Variants in PRKCE observed in about 807,000 individuals in gnomAD.
PRKCE encodes protein kinase C epsilon type.
Under a neutral mutation model 85.4 loss-of-function variants are expected in PRKCE, and 16 were observed. The observed-to-expected ratio is 0.19, with a 90% CI of 0.13 to 0.28. The LOEUF (loss-of-function observed/expected upper bound fraction) is 0.28, where lower values mean the gene tolerates loss of function less well. Among genes scored for constraint, PRKCE ranks in the 10% least tolerant of loss-of-function variants. The probability of loss-of-function intolerance (pLI) is 1.00; values close to 1 mark genes in which losing one functional copy is unlikely to be tolerated. For synonymous variants in PRKCE, 388 were observed against 371.5 expected (o/e 1.04, Z -0.51); for missense variants, 573 against 975.2 (o/e 0.59, Z 5.49).
At chr2:46,177,108 C>T (rs1455928507) in intron 14 of PRKCE, among the ~76,000 whole-genome samples, 3 of 152,044 alleles carry the variant, frequency 2.0e-5, no homozygotes, top group East Asian at 1.9e-4. Context: ...TAAAGGATTA[C>T]GTTTGGATTT....
intron 10 of PRKCE, among the ~76,000 whole-genome samples, chr2:46,065,238 T>C (rs1667524438): frequency 6.6e-6 from 1 of 152,018 alleles, no homozygotes; most frequent in Non-Finnish European, 1.5e-5. Context: ...GACCTGTATC[T>C]TGAAAGAATG....
At chr2:46,123,285 A>G (rs114972652) in intron 11 of PRKCE, among the ~76,000 whole-genome samples, 7,633 of 138,734 alleles carry the variant, frequency 0.055, 301 homozygotes, top group Middle Eastern at 0.087. Context: ...TAAAGAGATA[A>G]GCAAAGCACA....
In PRKCE at chr2:46,145,189, G is replaced by T. The variant is rs367994155; in HGVS notation, c.1689G>T (p.Thr563=). 52 of 1,599,542 alleles carry T rather than the reference G, an allele frequency of 3.3e-5. No individual in the cohort carries two copies. The highest frequency in any genetic ancestry group is 4.3e-5 in the Non-Finnish European group (51 of 1,179,956). ...AGGAAGGGATTCTGAATGGTGTGAC[G>T]ACCACCACGTTCTGTGGGACTCCTG... ...MCKEGILNGV[T]TTTFCGTPDY... Residue 563 remains threonine (T), a synonymous_variant, in exon 12 of 15, where the codon ACG becomes ACT. Coordinates refer to ENST00000306156, the MANE Select transcript of PRKCE (RefSeq NM_005400.3). The surrounding 1 kb of genome is among the most constrained non-coding windows in gnomAD (Gnocchi z 4.6).
At chr2:45,934,770 T>C (rs948990569) in intron 2 of PRKCE, among the ~76,000 whole-genome samples, 1 of 151,614 alleles carries the variant, frequency 6.6e-6, no homozygotes, top group Non-Finnish European at 1.5e-5. Flanking sequence ...AAACCACAAT[T>C]GGGCTGGGCA....
intron 1 of PRKCE, among the ~76,000 whole-genome samples, chr2:45,837,971 C>G (rs1415988541): frequency 6.6e-6 from 1 of 152,128 alleles, no homozygotes; most frequent in Non-Finnish European, 1.5e-5. Context: ...GGCTGAGCAC[C>G]ACCCCAAAAA....
intron 1 of PRKCE, among the ~76,000 whole-genome samples, chr2:45,765,011 T>C (rs576482113): frequency 1.1e-4 from 16 of 152,246 alleles, no homozygotes; most frequent in Non-Finnish European, 2.4e-4. Context: ...ATGTGAACCA[T>C]AGCCTTCCTC....
At chr2:45,897,361 T>C (rs1030224092) in intron 2 of PRKCE, among the ~76,000 whole-genome samples, 3 of 152,224 alleles carry the variant, frequency 2.0e-5, no homozygotes, top group African/African-American at 7.2e-5. Flanking sequence ...TGGTAATCAC[T>C]GTGAGAGACG....
At chr2:45,856,657 G>T (rs1170253290) in intron 2 of PRKCE, among the ~76,000 whole-genome samples, 1 of 152,148 alleles carries the variant, frequency 6.6e-6, no homozygotes, top group African/African-American at 2.4e-5. Context: ...TATTCTTCCT[G>T]TCTAACTGTA....
intron 1 of PRKCE, among the ~76,000 whole-genome samples, chr2:45,654,817 T>C (rs1572863824): frequency 6.6e-6 from 1 of 152,112 alleles, no homozygotes; most frequent in South Asian, 2.1e-4. Flanking sequence ...TGGGGACTCA[T>C]TGGCAGGGGT....
rs545201312 is a variant in PRKCE at position 45,973,671 on chromosome 2, A to C, written c.413-2758A>C. On this transcript the variant is annotated intron_variant, in intron 2 of 14. Coordinates refer to ENST00000306156, the MANE Select transcript of PRKCE (RefSeq NM_005400.3). ...CCAGGTATCAGGGCACCCCGCTGAG[A>C]CAGCTTTGAAATGAATAGAGTCAAA... Among the ~76,000 whole-genome samples, 27 of 152,338 alleles carry C rather than the reference A, an allele frequency of 1.8e-4. No individual in the cohort carries two copies. In the South Asian group the frequency reaches 5.2e-3, roughly 29 times the overall value.
At chr2:46,059,247 C>T (rs1443941752) in intron 10 of PRKCE, among the ~76,000 whole-genome samples, 3 of 152,018 alleles carry the variant, frequency 2.0e-5, no homozygotes, top group South Asian at 4.2e-4. Flanking sequence ...ATGATCGCGC[C>T]GTTGCACTCC....
chr2:46,145,272 G>A lies in PRKCE; in HGVS notation c.1731+41G>A, dbSNP rs12990867. The A allele has an allele frequency of 0.14, 229,497 of 1,597,232 alleles. 17,537 individuals carry two copies. The highest frequency in any genetic ancestry group is 0.21 in the African/African-American group (15,390 of 74,870). ...AAAGGTTCACCTCCTCCTGGTGCCA[G>A]GACCGAGGCAGGGGTCCAAACCCAT... is the stretch of plus-strand genomic sequence containing the variant. On this transcript the variant is annotated intron_variant, in intron 12 of 14. Coordinates refer to ENST00000306156, the MANE Select transcript of PRKCE (RefSeq NM_005400.3). The surrounding 1 kb of genome is among the most constrained non-coding windows in gnomAD (Gnocchi z 4.6).
In PRKCE at chr2:45,885,002, T is replaced by TTTTTTGTTG. The variant is rs375477829; in HGVS notation, c.412+41941_412+41942insTTTGTTGTT. On this transcript the variant is annotated intron_variant, in intron 2 of 14. Transcript: ENST00000306156. The stretch of plus-strand genomic sequence containing the variant: ...ATATATATATATATATATATATATA[T>TTTTTTGTTG]TTGTTGTTGTTGTTGTTGTTTTACC... Among the ~76,000 whole-genome samples the TTTTTTGTTG allele has an allele frequency of 1.7e-3, 169 of 97,660 alleles. 10 individuals are homozygous for TTTTTTGTTG. The highest frequency in any genetic ancestry group is 3.4e-3 in the South Asian group (10 of 2,950). The allele number at this position is 97,660 out of a possible 152,430, so 64.1% of individuals were successfully genotyped here.
intron 1 of PRKCE, among the ~76,000 whole-genome samples, chr2:45,666,593 C>T (rs1675922920): frequency 2.0e-5 from 3 of 152,032 alleles, no homozygotes; most frequent in Non-Finnish European, 4.4e-5. Flanking sequence ...ACCAGCCATC[C>T]AAATCCCCTT....
At chr2:46,161,694 G>C (rs914524978) in intron 14 of PRKCE, among the ~76,000 whole-genome samples, 1 of 152,062 alleles carries the variant, frequency 6.6e-6, no homozygotes, top group Non-Finnish European at 1.5e-5. Flanking sequence ...GAGAGGCCAC[G>C]AGGTGGGAAG....
chr2:45,856,820 C>G (rs1692718846), intron 2 of PRKCE, among the ~76,000 whole-genome samples: 1 of 152,158 alleles, frequency 6.6e-6, no homozygotes, highest in African/African-American at 2.4e-5. Context: ...CTTTCTGTGC[C>G]TGGCTTATTT....
chr2:45,817,074 T>G (rs1292393574), intron 1 of PRKCE, among the ~76,000 whole-genome samples: 4 of 135,728 alleles, frequency 2.9e-5, no homozygotes, highest in Non-Finnish European at 6.2e-5. Flanking sequence ...AGAGTGTGTG[T>G]GTGTGTGTGT....
At chr2:45,854,569 C>G (rs1186367788) in intron 2 of PRKCE, among the ~76,000 whole-genome samples, 1 of 152,166 alleles carries the variant, frequency 6.6e-6, no homozygotes, top group Non-Finnish European at 1.5e-5. Flanking sequence ...GTAAACAAAT[C>G]GTTGGGTATT....
chr2:46,011,105 A>G (rs6544867), intron 10 of PRKCE: 248,487 of 298,714 alleles, frequency 0.83, 104,761 homozygotes, highest in African/African-American at 0.96. Flanking sequence ...ATTATTAACT[A>G]ATTTGTTACC....
Sources: allele counts gnomAD v4.1 joint callset (sites outside exome capture counted in the v4.1 genomes callset), GRCh38; gene constraint gnomAD v4.1.1; non-coding constraint Gnocchi (gnomAD v3.1); transcripts MANE v1.5; gene names NCBI Gene and HGNC (gene_info 2026-07-23, HGNC 2026-07-21).